GRAMD2B: variants seen among roughly 807,000 people sequenced by gnomAD.
The protein encoded by GRAMD2B is GRAM domain-containing protein 2B.
Under a neutral mutation model 59.2 loss-of-function variants are expected in GRAMD2B, and 41 were observed. The ratio of observed to expected loss-of-function variants is 0.69; its 90% CI spans 0.54 to 0.90. The LOEUF is 0.90. Among genes scored for constraint, GRAMD2B ranks in the 40% least tolerant of loss-of-function variants. The pLI, the probability that GRAMD2B is intolerant of heterozygous loss-of-function variation, is 0.00. For missense variants in GRAMD2B, 424 were observed against 500.5 expected, an observed-to-expected ratio of 0.85 and a Z score of 1.46; for synonymous variants, 161 against 182.7, an observed-to-expected ratio of 0.88 and a Z score of 0.96.
chr5:126,388,008 C>T (rs1404138401), intron 1 of GRAMD2B, among the ~76,000 whole-genome samples: 2 of 152,032 alleles, frequency 1.3e-5, no homozygotes, highest in African/African-American at 4.8e-5. Context: ...TTAAAGAAAC[C>T]CCCTATACTA....
chr5:126,389,615 G>A (rs771528072), intron 1 of GRAMD2B, among the ~76,000 whole-genome samples: 12 of 152,284 alleles, frequency 7.9e-5, no homozygotes, highest in Middle Eastern at 3.4e-3. Flanking sequence ...GTTTCACAGC[G>A]TAAGATTATT....
At chr5:126,426,413 A>G (rs1760630496) in intron 1 of GRAMD2B, among the ~76,000 whole-genome samples, 1 of 152,154 alleles carries the variant, frequency 6.6e-6, no homozygotes, top group Non-Finnish European at 1.5e-5. Flanking sequence ...CCTTGTACAT[A>G]TGTGGCTTCC....
At chr5:126,425,661 G>C (rs1016289115) in intron 1 of GRAMD2B, among the ~76,000 whole-genome samples, 1 of 152,198 alleles carries the variant, frequency 6.6e-6, no homozygotes, top group Non-Finnish European at 1.5e-5. Context: ...AGCTGCTCGG[G>C]AGGCTGAGGT....
intron 1 of GRAMD2B, among the ~76,000 whole-genome samples, chr5:126,385,306 A>C (rs1430957131): frequency 6.6e-6 from 1 of 152,218 alleles, no homozygotes; most frequent in Non-Finnish European, 1.5e-5. Context: ...AGCAATCCCA[A>C]ATATTTTATT....
intron 1 of GRAMD2B, among the ~76,000 whole-genome samples, chr5:126,388,975 A>G (rs1756450305): frequency 6.6e-6 from 1 of 152,178 alleles, no homozygotes; most frequent in Non-Finnish European, 1.5e-5. Context: ...ATATGCATGT[A>G]AGAAACCTGA....
intron 1 of GRAMD2B, among the ~76,000 whole-genome samples, chr5:126,397,368 G>A (rs755326961): frequency 3.4e-4 from 51 of 152,068 alleles, no homozygotes; most frequent in Non-Finnish European, 4.7e-4. Flanking sequence ...GGGACTGCAG[G>A]CATGCACTAC....
At chr5:126,382,059 T>G (rs530858318) in intron 1 of GRAMD2B, among the ~76,000 whole-genome samples, 26 of 152,338 alleles carry the variant, frequency 1.7e-4, no homozygotes, top group African/African-American at 5.5e-4. Flanking sequence ...AGAAATCTGC[T>G]GTTAATCTGA....
In GRAMD2B at chr5:126,396,497, C is replaced by T. The variant is rs548314356; in HGVS notation, c.125+24930C>T. 1.8e-3 allele frequency among the ~76,000 whole-genome samples: 280 copies of T among 152,260 alleles called. 1 individual carries two copies. Among genetic ancestry groups the T allele is most frequent in the Non-Finnish European group, 2.4e-3 (163 of 68,016 alleles). On this transcript the variant is annotated intron_variant, in intron 1 of 8. Transcript: ENST00000506445. The stretch of plus-strand genomic sequence containing the variant: ...TCCAGCTCCATCCATGTTCCTGCAA[C>T]GGACATGATCTCATTCTTTTTTATT...
intron 1 of GRAMD2B, among the ~76,000 whole-genome samples, chr5:126,457,270 T>A (rs1766482726): frequency 6.6e-6 from 1 of 151,640 alleles, no homozygotes; most frequent in Non-Finnish European, 1.5e-5. Context: ...ATACCTATTC[T>A]GTTTTTGAAT....
intron 1 of GRAMD2B, among the ~76,000 whole-genome samples, chr5:126,374,711 G>A (rs1364188662): frequency 6.6e-6 from 1 of 152,112 alleles, no homozygotes; most frequent in Non-Finnish European, 1.5e-5. Context: ...TTTCTGATGT[G>A]AATTAGGGCA....
chr5:126,403,571 C>T (rs1026623595), intron 1 of GRAMD2B, among the ~76,000 whole-genome samples: 4 of 151,792 alleles, frequency 2.6e-5, no homozygotes, highest in African/African-American at 9.7e-5. Flanking sequence ...CCATCCTTTA[C>T]AAAGTTTAGG....
intron 1 of GRAMD2B, among the ~76,000 whole-genome samples, chr5:126,449,541 C>G (rs967163823): frequency 3.3e-5 from 5 of 152,120 alleles, no homozygotes; most frequent in African/African-American, 1.2e-4. Context: ...CATGGGATAT[C>G]ATGAGCTTCT....
intron 1 of GRAMD2B, among the ~76,000 whole-genome samples, chr5:126,361,901 G>C (rs1368298486): frequency 6.6e-6 from 1 of 152,218 alleles, no homozygotes; most frequent in South Asian, 2.1e-4. Context: ...AGACCAGTTC[G>C]ATAGGCACTC....
At chr5:126,436,567 G>A (rs1228898362) in intron 1 of GRAMD2B, among the ~76,000 whole-genome samples, 1 of 152,142 alleles carries the variant, frequency 6.6e-6, no homozygotes, top group Admixed American at 6.5e-5. Flanking sequence ...TGGGAGGATC[G>A]CTTGAGCCTA....
At chr5:126,487,508 C>T (rs1444043537) in intron 12 of GRAMD2B, among the ~76,000 whole-genome samples, 3 of 152,168 alleles carry the variant, frequency 2.0e-5, no homozygotes, top group Non-Finnish European at 4.4e-5. Flanking sequence ...CCTTTTCAGA[C>T]ATAGAGCTCT....
At chr5:126,434,490 C>G (rs1325534813) in intron 1 of GRAMD2B, among the ~76,000 whole-genome samples, 2 of 151,924 alleles carry the variant, frequency 1.3e-5, no homozygotes, top group Non-Finnish European at 2.9e-5. Flanking sequence ...TTGACTTTCC[C>G]ACATGACAAT....
chr5:126,363,902 G>C (rs77213908), intron 1 of GRAMD2B, among the ~76,000 whole-genome samples: 1 of 152,078 alleles, frequency 6.6e-6, no homozygotes, highest in Non-Finnish European at 1.5e-5. Context: ...TTAGATGGTG[G>C]TGATGGTTGC....
chr5:126,484,830 C>A (rs533032586), intron 10 of GRAMD2B, among the ~76,000 whole-genome samples: 1 of 152,136 alleles, frequency 6.6e-6, no homozygotes, highest in African/African-American at 2.4e-5. Context: ...GTGATCCACC[C>A]GCCTCAGCCT....
intron 11 of GRAMD2B, 23 bp from the exon 12 acceptor site, chr5:126,486,850 G>A: frequency 6.7e-7 from 1 of 1,484,932 alleles, no homozygotes; most frequent in Non-Finnish European, 9.4e-7. Context: ...CCTAACGAAA[G>A]TTTCTCTTTC....
Sources: allele counts gnomAD v4.1 joint callset (sites outside exome capture counted in the v4.1 genomes callset), GRCh38; gene constraint gnomAD v4.1.1; transcripts MANE v1.5; gene names NCBI Gene and HGNC (gene_info 2026-07-23, HGNC 2026-07-21).